MEI4: variants seen among roughly 807,000 people sequenced by gnomAD.
MEI4 encodes the protein meiotic double-stranded break formation protein 4.
In MEI4, 27 loss-of-function variants were observed where a neutral mutation model predicts 31.4. The observed-to-expected ratio is 0.86, with a 90% CI of 0.63 to 1.19. The LOEUF is 1.19. Ranked by LOEUF, MEI4 falls within the 50% of genes most tolerant of loss-of-function variation. The probability of loss-of-function intolerance (pLI) is 0.00; values close to 1 mark genes in which losing one functional copy is unlikely to be tolerated. For missense variants in MEI4, 329 were observed against 398.9 expected, an observed-to-expected ratio of 0.82 and a Z score of 1.49; for synonymous variants, 122 against 145.4, an observed-to-expected ratio of 0.84 and a Z score of 1.16.
rs9352523 is a variant in MEI4, at chr6:77,746,488, A to G, written c.233-14642A>G. On this transcript the variant is annotated intron_variant, in intron 2 of 4. Coordinates refer to ENST00000684080, the MANE Select transcript of MEI4 (RefSeq NM_001322247.2). ...ATCCTGCTTTCACACTCAAACTGCAACATCAGCTCTTGGGTCTTAAGTCTG... is the reference window on the plus strand; with the variant it reads ...ATCCTGCTTTCACACTCAAACTGCAGCATCAGCTCTTGGGTCTTAAGTCTG... Among the ~76,000 whole-genome samples the G allele has an allele frequency of 3.8e-3, 573 of 152,234 alleles. 12 individuals are homozygous for G. The highest frequency in any genetic ancestry group is 0.027 in the Admixed American group (408 of 15,286).
chr6:77,849,344 T>C (rs992797293), intron 4 of MEI4, among the ~76,000 whole-genome samples: 1 of 152,074 alleles, frequency 6.6e-6, no homozygotes, highest in Non-Finnish European at 1.5e-5. Context: ...TTAAGCCTCA[T>C]AGGAGTGAGA....
At chr6:77,846,549 G>A (rs1230046049) in intron 4 of MEI4, among the ~76,000 whole-genome samples, 1 of 151,804 alleles carries the variant, frequency 6.6e-6, no homozygotes, top group Non-Finnish European at 1.5e-5. Flanking sequence ...TTGTTTAATT[G>A]GCTTTTTTCC....
At chr6:77,682,367 G>A (rs12055464) in intron 1 of MEI4, among the ~76,000 whole-genome samples, 20,506 of 152,154 alleles carry the variant, frequency 0.13, 1,469 homozygotes, top group Middle Eastern at 0.2. Flanking sequence ...AACTGTATGC[G>A]AATTAGATTT....
chr6:77,671,616 A>G (rs12525585), intron 1 of MEI4, among the ~76,000 whole-genome samples: 12,571 of 152,190 alleles, frequency 0.083, 712 homozygotes, highest in East Asian at 0.22. Flanking sequence ...TGCATTTTCT[A>G]TTTATTAACT....
At chr6:77,714,227 CTTAAAAAT>C (rs1316116884) in intron 2 of MEI4, among the ~76,000 whole-genome samples, 3 of 125,070 alleles carry the variant, frequency 2.4e-5, no homozygotes, top group South Asian at 2.7e-4. Flanking sequence ...CTATGTAACA[CTTAAAAAT>C]TTAAAAAAAA....
rs916939001 is a variant in MEI4, at chr6:77,923,412, T to C, written c.*66T>C. The C allele has an allele frequency of 3.2e-4, 369 of 1,143,632 alleles. No individual in the cohort carries two copies. Among genetic ancestry groups the C allele is most frequent in the Non-Finnish European group, 3.9e-4 (354 of 909,024 alleles). 70.8% of individuals were successfully genotyped at this position (1,143,632 alleles called of 1,614,324 possible). On this transcript the variant is annotated 3_prime_UTR_variant, in exon 5 of 5. Coordinates refer to ENST00000684080, the MANE Select transcript of MEI4 (RefSeq NM_001322247.2). Reference sequence around the variant, plus strand: ...AGTAGAATATATGAAAATCTCATACTGAAAAGATTTTCAATAGTATTTTAA... The same window carrying C: ...AGTAGAATATATGAAAATCTCATACCGAAAAGATTTTCAATAGTATTTTAA...
At chr6:77,799,844 A>C (rs980566698) in intron 3 of MEI4, among the ~76,000 whole-genome samples, 1 of 152,040 alleles carries the variant, frequency 6.6e-6, no homozygotes, top group Non-Finnish European at 1.5e-5. Context: ...TTCTGGTTCC[A>C]TTCGTCTATA....
chr6:77,853,730 A>G (rs1461335140), intron 4 of MEI4, among the ~76,000 whole-genome samples: 1 of 152,188 alleles, frequency 6.6e-6, no homozygotes, highest in Non-Finnish European at 1.5e-5. Context: ...TTTCATGAAT[A>G]GTTCTATATC....
At chr6:77,733,732 C>T (rs1030119814) in intron 2 of MEI4, among the ~76,000 whole-genome samples, 2 of 151,858 alleles carry the variant, frequency 1.3e-5, no homozygotes, top group East Asian at 1.9e-4. Context: ...GGTGTCAATT[C>T]TGGATCTTTT....
At chr6:77,762,533 T>C (rs1768068950) in intron 3 of MEI4, among the ~76,000 whole-genome samples, 1 of 152,240 alleles carries the variant, frequency 6.6e-6, no homozygotes, top group Non-Finnish European at 1.5e-5. Flanking sequence ...ATTTACTATA[T>C]TTCATTGTAG....
At chr6:77,727,034 C>A (rs1766843678) in intron 2 of MEI4, among the ~76,000 whole-genome samples, 1 of 152,090 alleles carries the variant, frequency 6.6e-6, no homozygotes, top group South Asian at 2.1e-4. Flanking sequence ...AATAAGCCAA[C>A]AATTACAATT....
At chr6:77,683,061 T>C (rs73762810) in intron 1 of MEI4, among the ~76,000 whole-genome samples, 3,495 of 152,134 alleles carry the variant, frequency 0.023, 134 homozygotes, top group African/African-American at 0.079. Context: ...CTTATTCCCC[T>C]TGTCTACACC....
intron 3 of MEI4, among the ~76,000 whole-genome samples, chr6:77,826,358 T>C (rs754387609): frequency 3.9e-5 from 6 of 152,184 alleles, no homozygotes; most frequent in Non-Finnish European, 7.4e-5. Context: ...TCCTTTGTGA[T>C]TTTCTAATTA....
At chr6:77,759,427 C>T (rs1413021112) in intron 2 of MEI4, among the ~76,000 whole-genome samples, 1 of 152,150 alleles carries the variant, frequency 6.6e-6, no homozygotes, top group East Asian at 1.9e-4. Flanking sequence ...TCTCCCCAGT[C>T]TTAGGCTTAT....
chr6:77,858,820 A>G (rs1234383635), intron 4 of MEI4, among the ~76,000 whole-genome samples: 1 of 147,886 alleles, frequency 6.8e-6, no homozygotes, highest in East Asian at 1.9e-4. Flanking sequence ...TTTTTTTTGT[A>G]ATTCCCTTTA....
At position 77,921,927 on chromosome 6, in the gene MEI4, GTGAAAAATT is replaced by G. The variant is rs562115573; in HGVS notation, c.901-1156_901-1148del. Among the ~76,000 whole-genome samples the G allele has an allele frequency of 2.2e-3, 338 of 151,822 alleles. 1 individual carries two copies. Among genetic ancestry groups the G allele is most frequent in the Non-Finnish European group, 2.2e-3 (148 of 67,822 alleles). On this transcript the variant is annotated intron_variant, in intron 4 of 4. Coordinates refer to ENST00000684080, the MANE Select transcript of MEI4 (RefSeq NM_001322247.2). ...GATCACTGTAACAGATAAAGTAACA[GTGAAAAATT>G]TGAAATATTGTGATAATTACCAGTA...
intron 3 of MEI4, among the ~76,000 whole-genome samples, chr6:77,826,783 G>C (rs750910658): frequency 7.9e-5 from 12 of 152,120 alleles, no homozygotes; most frequent in Non-Finnish European, 1.5e-4. Context: ...TGGAACAACA[G>C]CACTGTGTAA....
At chr6:77,710,539 A>AAAAAAAAAG (rs1561953994) in intron 2 of MEI4, among the ~76,000 whole-genome samples, 5 of 120,772 alleles carry the variant, frequency 4.1e-5, no homozygotes, top group Non-Finnish European at 5.2e-5. Flanking sequence ...AAAAAAAAAA[A>AAAAAAAAAG]AAAGAAAAGG....
At chr6:77,853,197 C>T (rs1310171144) in intron 4 of MEI4, among the ~76,000 whole-genome samples, 2 of 151,860 alleles carry the variant, frequency 1.3e-5, no homozygotes, top group African/African-American at 4.8e-5. Flanking sequence ...AACTCCACCT[C>T]AAAAAACAAA....
Sources: gnomAD v4.1 joint callset for allele counts (sites outside exome capture counted in the v4.1 genomes callset) on GRCh38, gnomAD v4.1.1 for gene constraint, MANE v1.5 for transcripts, NCBI Gene and HGNC (gene_info 2026-07-23, HGNC 2026-07-21) for gene names.